Variants in LRP1B observed in about 807,000 individuals in gnomAD.
The protein encoded by LRP1B is low-density lipoprotein receptor-related protein 1B.
A neutral mutation model predicts 556.6 loss-of-function variants in LRP1B; 217 were observed. The ratio of observed to expected loss-of-function variants is 0.39; its 90% CI spans 0.35 to 0.44. LRP1B has a LOEUF of 0.44. Ranked by LOEUF, LRP1B falls within the 20% of genes least tolerant of loss-of-function variation. The probability of loss-of-function intolerance (pLI) is 1.00; values close to 1 mark genes in which losing one functional copy is unlikely to be tolerated. For missense variants in LRP1B, 5,053 were observed against 5,620.8 expected (o/e 0.90, Z 3.23); for synonymous variants, 2,047 against 1,865.8 (o/e 1.10, Z -2.50).
chr2:141,538,575 C>T (rs1372043074), intron 2 of LRP1B, among the ~76,000 whole-genome samples: 1 of 151,688 alleles, frequency 6.6e-6, no homozygotes. Flanking sequence ...CATCTACTCA[C>T]AAAGAGTGTA....
At chr2:141,418,622 G>C (rs998853515) in intron 3 of LRP1B, among the ~76,000 whole-genome samples, 1 of 151,996 alleles carries the variant, frequency 6.6e-6, no homozygotes, top group African/African-American at 2.4e-5. Flanking sequence ...ACACAGCTTT[G>C]ATTTCTGTAG....
At chr2:142,036,872 C>T (rs896769547) in intron 1 of LRP1B, among the ~76,000 whole-genome samples, 3 of 151,610 alleles carry the variant, frequency 2.0e-5, no homozygotes, top group African/African-American at 4.8e-5. Flanking sequence ...ATAAAGATTC[C>T]TAACCCATTG....
At chr2:140,553,640 C>G (rs1007029616) in intron 43 of LRP1B, among the ~76,000 whole-genome samples, 2 of 151,972 alleles carry the variant, frequency 1.3e-5, no homozygotes, top group South Asian at 2.1e-4. Flanking sequence ...AAGCCTGAAG[C>G]AAGAAATAGC....
intron 11 of LRP1B, among the ~76,000 whole-genome samples, chr2:141,027,282 T>C (rs1379238895): frequency 6.6e-6 from 1 of 152,156 alleles, no homozygotes; most frequent in Non-Finnish European, 1.5e-5. Flanking sequence ...CTTTGATACA[T>C]GGCTTAAACT....
chr2:140,764,128 T>A (rs1689020839), intron 35 of LRP1B, among the ~76,000 whole-genome samples: 1 of 152,144 alleles, frequency 6.6e-6, no homozygotes, highest in Non-Finnish European at 1.5e-5. Context: ...CTAGAAAAAT[T>A]TTGTAAATAG....
chr2:141,326,979 C>G (rs980330878), intron 3 of LRP1B, among the ~76,000 whole-genome samples: 20 of 151,922 alleles, frequency 1.3e-4, no homozygotes, highest in African/African-American at 4.8e-4. Context: ...TTGCATCAAT[C>G]TAGCAAAAAA....
At chr2:141,878,775 C>T (rs1440191034) in intron 1 of LRP1B, among the ~76,000 whole-genome samples, 1 of 151,820 alleles carries the variant, frequency 6.6e-6, no homozygotes, top group Non-Finnish European at 1.5e-5. Context: ...TACATTTATC[C>T]ATATGAATAG....
At chr2:140,693,983 C>G (rs564240652) in intron 41 of LRP1B, among the ~76,000 whole-genome samples, 2 of 152,218 alleles carry the variant, frequency 1.3e-5, no homozygotes, top group Non-Finnish European at 1.5e-5. Flanking sequence ...GCCGGGATTA[C>G]AGGCATGAGC....
intron 2 of LRP1B, among the ~76,000 whole-genome samples, chr2:141,489,100 C>T (rs1366637108): frequency 3.6e-5 from 5 of 140,436 alleles, no homozygotes; most frequent in Non-Finnish European, 3.0e-5. Flanking sequence ...CTCAGCCTCC[C>T]ATGATGCTTG....
At chr2:140,819,953 A>G (rs914049871) in intron 31 of LRP1B, among the ~76,000 whole-genome samples, 2 of 152,188 alleles carry the variant, frequency 1.3e-5, no homozygotes, top group African/African-American at 4.8e-5. Flanking sequence ...TTTAACTCAG[A>G]GAAGTAAAAA....
At chr2:141,672,179 G>C (rs185854468) in intron 2 of LRP1B, among the ~76,000 whole-genome samples, 1 of 152,174 alleles carries the variant, frequency 6.6e-6, no homozygotes, top group East Asian at 1.9e-4. Context: ...AGTGTTTCAA[G>C]ATCTCAGGCA....
At chr2:141,367,472 T>C (rs1277883688) in intron 3 of LRP1B, among the ~76,000 whole-genome samples, 3 of 18,170 alleles carry the variant, frequency 1.7e-4, no homozygotes, top group African/African-American at 5.0e-4. Flanking sequence ...TTTGAAATGC[T>C]TTTTTTTTTT....
At chr2:141,515,217 G>T (rs557031054) in intron 2 of LRP1B, among the ~76,000 whole-genome samples, 1 of 151,680 alleles carries the variant, frequency 6.6e-6, no homozygotes, top group Non-Finnish European at 1.5e-5. Flanking sequence ...CAGGAGAATC[G>T]CTTGAACCTG....
rs150991899 is a variant in LRP1B at position 142,041,789 on chromosome 2, A to G, written c.82+88859T>C. Among the ~76,000 whole-genome samples, 1,231 of 151,596 alleles carry G rather than the reference A, an allele frequency of 8.1e-3. 17 individuals are homozygous for G. The highest frequency in any genetic ancestry group is 0.028 in the African/African-American group (1,152 of 41,460). On this transcript the variant is annotated intron_variant, in intron 1 of 90. Transcript: ENST00000389484. Reference sequence around the variant, plus strand: ...AATTTAGTGATTAAGAAGACATAAAATCCAAAAGGTTACTTTTGCAAAGGT... The same window carrying G: ...AATTTAGTGATTAAGAAGACATAAAGTCCAAAAGGTTACTTTTGCAAAGGT...
intron 2 of LRP1B, among the ~76,000 whole-genome samples, chr2:141,698,849 C>A (rs1320872861): frequency 6.6e-6 from 1 of 151,814 alleles, no homozygotes; most frequent in African/African-American, 2.4e-5. Flanking sequence ...CTGCCCCACT[C>A]CTAATGAAAT....
At chr2:141,415,025 T>TTTGTTTTG (rs1553511662) in intron 3 of LRP1B, among the ~76,000 whole-genome samples, 6 of 152,094 alleles carry the variant, frequency 3.9e-5, no homozygotes, top group Non-Finnish European at 1.5e-5. Context: ...TTTGTTTTGT[T>TTTGTTTTG]TTGTTTTGAG....
At chr2:141,661,528 A>G (rs897899766) in intron 2 of LRP1B, among the ~76,000 whole-genome samples, 1 of 152,206 alleles carries the variant, frequency 6.6e-6, no homozygotes, top group Admixed American at 6.5e-5. Flanking sequence ...GAACTTCACA[A>G]TGCAACCACA....
At chr2:140,366,058 A>T (rs1682745355) in intron 71 of LRP1B, among the ~76,000 whole-genome samples, 1 of 151,746 alleles carries the variant, frequency 6.6e-6, no homozygotes, top group South Asian at 2.1e-4. Context: ...TTAAGAAGTG[A>T]TAGAATCAGT....
chr2:141,811,173 C>A lies in LRP1B; in HGVS notation c.83-772G>T, dbSNP rs934890080. On this transcript the variant is annotated intron_variant, in intron 1 of 90. Coordinates refer to ENST00000389484, the MANE Select transcript of LRP1B (RefSeq NM_018557.3). ...TGCTTTTATCACGTGAATCCCTTTA[C>A]AAACTAATTATTCTTTACATCTTAA... 2.6e-5 allele frequency among the ~76,000 whole-genome samples: 4 copies of A among 152,114 alleles called. No individual in the cohort carries two copies. In the East Asian group the frequency reaches 7.7e-4, roughly 29 times the overall value.
Sources: allele counts gnomAD v4.1 joint callset (sites outside exome capture counted in the v4.1 genomes callset), GRCh38; gene constraint gnomAD v4.1.1; transcripts MANE v1.5; gene names NCBI Gene and HGNC (gene_info 2026-07-23, HGNC 2026-07-21).